The following BID variants were observed in gnomAD, a reference collection of about 807,000 sequenced individuals.
The protein encoded by BID is BH3 interacting domain death agonist.
In BID, 19 loss-of-function variants were observed where a neutral mutation model predicts 17.4. The ratio of observed to expected loss-of-function variants is 1.09; its 90% CI spans 0.76 to 1.60. The LOEUF is 1.60. BID is among the 40% of genes most tolerant of loss of function. The pLI is 0.00. For missense variants in BID, 226 were observed against 256.0 expected (o/e 0.88, Z 0.80); for synonymous variants, 108 against 102.8 (o/e 1.05, Z -0.31).
intron 2 of BID, among the ~76,000 whole-genome samples, chr22:17,748,248 G>A (rs8190303): frequency 0.19 from 27,993 of 145,628 alleles, 2,837 homozygotes; most frequent in Non-Finnish European, 0.22. Context: ...GGTGGCTCAC[G>A]CCTGTAATCC....
chr22:17,755,799 CA>C (rs72491085), intron 1 of BID, among the ~76,000 whole-genome samples: 33,136 of 135,530 alleles, frequency 0.24, 3,608 homozygotes, highest in Admixed American at 0.28. Context: ...AACTCCGTCT[CA>C]AAAAAAAAAA....
At chr22:17,740,968 C>T (rs1053175926) in intron 3 of BID, 6 of 152,186 alleles carry the variant, frequency 3.9e-5, no homozygotes, top group African/African-American at 1.4e-4. Context: ...TCAATAGATG[C>T]CAGCTATTGT....
rs762745532 is a variant in BID, at chr22:17,750,139, C to G, written c.-23G>C. On this transcript the variant is annotated 5_prime_UTR_variant, in exon 2 of 6. Coordinates refer to ENST00000622694, the MANE Select transcript of BID (RefSeq NM_001196.4). ...CATGGCCTGGGCAGCGCGGCAGCTC[C>G]GACTCACTCCTGGTTCACAGTGTCC... 1 of 1,613,304 alleles carries G rather than the reference C, an allele frequency of 6.2e-7. No individual in the cohort carries two copies. Among genetic ancestry groups the G allele is most frequent in the Middle Eastern group, 1.7e-4 (1 of 6,032 alleles).
At chr22:17,754,160 A>T (rs1303314709) in intron 1 of BID, among the ~76,000 whole-genome samples, 2 of 139,900 alleles carry the variant, frequency 1.4e-5, no homozygotes, top group Non-Finnish European at 3.0e-5. Context: ...GATGGGGGTG[A>T]CATTCCCCCA....
intron 1 of BID, among the ~76,000 whole-genome samples, chr22:17,761,205 T>C (rs1331495072): frequency 6.6e-6 from 1 of 152,194 alleles, no homozygotes; most frequent in Non-Finnish European, 1.5e-5. Flanking sequence ...AGAGGCAATC[T>C]GGACAGTTGT....
At chr22:17,756,823 C>T (rs2061594692) in intron 1 of BID, among the ~76,000 whole-genome samples, 1 of 151,972 alleles carries the variant, frequency 6.6e-6, no homozygotes, top group Admixed American at 6.6e-5. Context: ...ATCCGCCCCC[C>T]TCAGCCTCTC....
intron 1 of BID, among the ~76,000 whole-genome samples, chr22:17,759,875 G>T (rs1160675236): frequency 6.6e-6 from 1 of 152,040 alleles, no homozygotes; most frequent in African/African-American, 2.4e-5. Context: ...GGGCGAGGTG[G>T]CTCACGCCTG....
At chr22:17,760,021 C>A (rs1164069256) in intron 1 of BID, among the ~76,000 whole-genome samples, 4 of 151,004 alleles carry the variant, frequency 2.6e-5, no homozygotes, top group Non-Finnish European at 4.4e-5. Flanking sequence ...GTAGTCCCAG[C>A]TACTCAGGAG....
intron 1 of BID, among the ~76,000 whole-genome samples, chr22:17,771,289 C>T (rs1216565875): frequency 6.6e-6 from 1 of 152,142 alleles, no homozygotes. Context: ...TTAGTAGAGA[C>T]GGGGTTTCAA....
chr22:17,770,461 G>A (rs940261627), intron 1 of BID, among the ~76,000 whole-genome samples: 5 of 152,148 alleles, frequency 3.3e-5, no homozygotes, highest in Non-Finnish European at 5.9e-5. Context: ...CTGGAACACC[G>A]CCCATCCCGG....
chr22:17,769,117 G>C lies in BID; in HGVS notation c.-59+5264C>G, dbSNP rs2061700890. On this transcript the variant is annotated intron_variant, in intron 1 of 5. Coordinates refer to ENST00000622694, the MANE Select transcript of BID (RefSeq NM_001196.4). This position sits in a 1 kb window ranked among gnomAD's most constrained non-coding sequence, Gnocchi z 4.8. ...AGAACAAGGCTTTCACCACATCCCAGGCAGAGTCCAAGTCAGGGCAGAGCC... is the reference window on the plus strand; with the variant it reads ...AGAACAAGGCTTTCACCACATCCCACGCAGAGTCCAAGTCAGGGCAGAGCC... Among the ~76,000 whole-genome samples, 1 of 152,178 alleles carries C rather than the reference G, an allele frequency of 6.6e-6. No homozygotes were observed. The highest frequency in any genetic ancestry group is 6.5e-5 in the Admixed American group (1 of 15,284).
At chr22:17,750,514 A>G (rs1237332656) in intron 1 of BID, among the ~76,000 whole-genome samples, 4 of 152,142 alleles carry the variant, frequency 2.6e-5, no homozygotes, top group African/African-American at 9.7e-5. Context: ...AGAGAGAGAG[A>G]ATGGATTTGA....
intron 1 of BID, chr22:17,774,004 C>G (rs925942590): frequency 2.2e-6 from 1 of 463,896 alleles, no homozygotes; most frequent in East Asian, 4.2e-5. Flanking sequence ...CGGCCAGGCC[C>G]GCGGGTTTTC....
intron 1 of BID, among the ~76,000 whole-genome samples, chr22:17,762,853 T>C (rs1262107687): frequency 8.1e-6 from 1 of 123,100 alleles, no homozygotes; most frequent in African/African-American, 3.6e-5. Flanking sequence ...AAGTGCTGCT[T>C]TGAGGAAAAA....
chr22:17,736,278 A>AG (rs1301753847), intron 5 of BID, among the ~76,000 whole-genome samples: 1 of 151,928 alleles, frequency 6.6e-6, no homozygotes, highest in Admixed American at 6.6e-5. Flanking sequence ...CTAACATGGG[A>AG]GAAACCTCAT....
intron 3 of BID, chr22:17,740,088 C>T (rs746647273): frequency 4.0e-5 from 65 of 1,611,732 alleles, no homozygotes; most frequent in East Asian, 2.2e-5. Flanking sequence ...GTACCACTGT[C>T]GCAGCTCCAT....
intron 2 of BID, among the ~76,000 whole-genome samples, chr22:17,748,721 G>C (rs886550808): frequency 1.3e-5 from 2 of 152,080 alleles, no homozygotes; most frequent in African/African-American, 4.8e-5. Flanking sequence ...CCTCACTGAG[G>C]GGGCCGGGGA....
intron 1 of BID, among the ~76,000 whole-genome samples, chr22:17,772,586 C>T (rs1242683652): frequency 6.6e-6 from 1 of 152,226 alleles, no homozygotes. Flanking sequence ...GAGAGGATGA[C>T]TCACGGCCCT....
At chr22:17,740,415 C>T (rs1045091974) in intron 3 of BID, 1 of 507,030 alleles carries the variant, frequency 2.0e-6, no homozygotes, top group South Asian at 2.3e-5. Context: ...AAAGCAAGGC[C>T]CTGCCTCTAC....
Sources: gnomAD v4.1 joint callset for allele counts (sites outside exome capture counted in the v4.1 genomes callset) on GRCh38, gnomAD v4.1.1 for gene constraint, Gnocchi (gnomAD v3.1) non-coding constraint, MANE v1.5 for transcripts, NCBI Gene and HGNC (gene_info 2026-07-23, HGNC 2026-07-21) for gene names.